The following NKAIN3 variants were observed in gnomAD, a reference collection of about 807,000 sequenced individuals.
The protein encoded by NKAIN3 is sodium/potassium transporting ATPase interacting 3, also known as sodium/potassium-transporting ATPase subunit beta-1-interacting protein 3.
In NKAIN3, 25 loss-of-function variants were observed where a neutral mutation model predicts 30.2. That is an observed-to-expected ratio of 0.83 (90% CI 0.60 to 1.16). NKAIN3 has a LOEUF of 1.16. Among genes scored for constraint, NKAIN3 ranks in the 50% most tolerant of loss-of-function variants. The probability of loss-of-function intolerance (pLI) is 0.00; values close to 1 mark genes in which losing one functional copy is unlikely to be tolerated. For synonymous variants in NKAIN3, 91 were observed against 89.6 expected (o/e 1.02, Z -0.09); for missense variants, 225 against 254.1 (o/e 0.89, Z 0.78).
At chr8:62,874,460 A>G (rs974911077) in intron 4 of NKAIN3, among the ~76,000 whole-genome samples, 13 of 152,264 alleles carry the variant, frequency 8.5e-5, no homozygotes, top group Admixed American at 6.5e-5. Context: ...TCCCTAAATC[A>G]TTTTATGAAG....
intron 3 of NKAIN3, among the ~76,000 whole-genome samples, chr8:62,595,862 C>T (rs1253381062): frequency 2.6e-5 from 4 of 151,870 alleles, no homozygotes; most frequent in Non-Finnish European, 1.5e-5. Flanking sequence ...TCTATGGTAG[C>T]TCTTAGTCAT....
At chr8:62,842,006 G>T (rs1033988655) in intron 4 of NKAIN3, among the ~76,000 whole-genome samples, 2 of 151,948 alleles carry the variant, frequency 1.3e-5, no homozygotes, top group Admixed American at 1.3e-4. Context: ...CATTCTATTG[G>T]GTATAAATAG....
intron 1 of NKAIN3, among the ~76,000 whole-genome samples, chr8:62,568,493 C>T (rs10109354): frequency 0.087 from 13,308 of 152,164 alleles, 605 homozygotes; most frequent in East Asian, 0.16. Flanking sequence ...AGTTGATATT[C>T]TGAGTCAGTG....
At chr8:62,871,418 A>AAAAAC (rs71255368) in intron 4 of NKAIN3, among the ~76,000 whole-genome samples, 4 of 142,430 alleles carry the variant, frequency 2.8e-5, no homozygotes, top group African/African-American at 5.2e-5. Flanking sequence ...AAAAAAAAAA[A>AAAAAC]CAAAAACAAA....
chr8:62,791,331 G>T (rs997820814), intron 4 of NKAIN3, among the ~76,000 whole-genome samples: 11 of 152,134 alleles, frequency 7.2e-5, no homozygotes, highest in Non-Finnish European at 1.2e-4. Flanking sequence ...AGCCAATGAT[G>T]ACACCACATT....
At chr8:62,770,781 G>T (rs941363486) in intron 4 of NKAIN3, among the ~76,000 whole-genome samples, 1 of 147,902 alleles carries the variant, frequency 6.8e-6, no homozygotes, top group Non-Finnish European at 1.5e-5. Context: ...AATAAAAGCA[G>T]AATTAAAAAA....
intron 1 of NKAIN3, among the ~76,000 whole-genome samples, chr8:62,573,375 G>A (rs1810007427): frequency 6.6e-6 from 1 of 152,122 alleles, no homozygotes; most frequent in South Asian, 2.1e-4. Flanking sequence ...TTCCTGTGCT[G>A]TGCCACTCAG....
intron 1 of NKAIN3, among the ~76,000 whole-genome samples, chr8:62,423,963 G>C (rs1554529521): frequency 6.6e-6 from 1 of 151,950 alleles, no homozygotes; most frequent in Non-Finnish European, 1.5e-5. Flanking sequence ...GCTGTTTGTG[G>C]TCTGTTTTTT....
At chr8:62,812,233 A>G (rs950380103) in intron 4 of NKAIN3, among the ~76,000 whole-genome samples, 1 of 151,944 alleles carries the variant, frequency 6.6e-6, no homozygotes, top group Admixed American at 6.6e-5. Context: ...TCTCATAACT[A>G]CAACTATACA....
At chr8:62,596,208 A>G (rs1010852689) in intron 3 of NKAIN3, among the ~76,000 whole-genome samples, 1 of 151,946 alleles carries the variant, frequency 6.6e-6, no homozygotes, top group East Asian at 1.9e-4. Flanking sequence ...AGGGGAGGAA[A>G]CTATGTCTTC....
intron 3 of NKAIN3, among the ~76,000 whole-genome samples, chr8:62,679,090 G>T (rs1317145197): frequency 6.6e-6 from 1 of 152,158 alleles, no homozygotes; most frequent in Non-Finnish European, 1.5e-5. Flanking sequence ...AAGCCATGCT[G>T]TTCAACCCAG....
intron 5 of NKAIN3, among the ~76,000 whole-genome samples, chr8:62,939,678 T>C (rs1822893122): frequency 6.6e-6 from 1 of 152,036 alleles, no homozygotes; most frequent in Admixed American, 6.6e-5. Context: ...AAAAAAAAGA[T>C]ATAGTCTTTT....
Position 62,796,419 on chromosome 8 carries a change from A to G in NKAIN3, c.471+49290A>G, listed in dbSNP as rs540601684. Among the ~76,000 whole-genome samples, 19 of 145,104 alleles carry G rather than the reference A, an allele frequency of 1.3e-4. No homozygotes were observed. In the Admixed American group the frequency reaches 1.3e-3, roughly 10 times the overall value. On this transcript the variant is annotated intron_variant, in intron 4 of 6. Transcript: ENST00000623646. ...AAAAAAAAAAAAAAAAAAAGTCAGC[A>G]ATGAATGCTAGATACTGCATCCAGT...
At chr8:62,580,865 A>G (rs1810264776) in intron 2 of NKAIN3, among the ~76,000 whole-genome samples, 1 of 150,964 alleles carries the variant, frequency 6.6e-6, no homozygotes, top group Admixed American at 6.6e-5. Flanking sequence ...CTGAGGCAGG[A>G]GGATTGCTTG....
intron 4 of NKAIN3, among the ~76,000 whole-genome samples, chr8:62,771,654 G>T (rs1817015196): frequency 6.6e-6 from 1 of 151,702 alleles, no homozygotes; most frequent in Non-Finnish European, 1.5e-5. Context: ...TAAAAAAAAA[G>T]ATCTATAGAT....
intron 3 of NKAIN3, among the ~76,000 whole-genome samples, chr8:62,701,886 G>A (rs1231765173): frequency 1.3e-5 from 2 of 152,120 alleles, no homozygotes; most frequent in Non-Finnish European, 2.9e-5. Flanking sequence ...AACTCCGGGG[G>A]CTGAAGTCCA....
At chr8:62,289,342 C>T (rs1036218726) in intron 1 of NKAIN3, among the ~76,000 whole-genome samples, 1 of 152,088 alleles carries the variant, frequency 6.6e-6, no homozygotes, top group Non-Finnish European at 1.5e-5. Flanking sequence ...AATGGTATTG[C>T]CTAGGTTTTC....
At chr8:62,655,235 C>T (rs1183724952) in intron 3 of NKAIN3, among the ~76,000 whole-genome samples, 1 of 152,132 alleles carries the variant, frequency 6.6e-6, no homozygotes, top group Admixed American at 6.6e-5. Flanking sequence ...CAGAATGAGT[C>T]CACCTCTGCC....
chr8:62,804,133 C>T (rs1818182699), intron 4 of NKAIN3, among the ~76,000 whole-genome samples: 1 of 152,126 alleles, frequency 6.6e-6, no homozygotes, highest in South Asian at 2.1e-4. Context: ...AGCTTACCAA[C>T]CAAAAAGAGT....
Sources: allele counts gnomAD v4.1 joint callset (sites outside exome capture counted in the v4.1 genomes callset), GRCh38; gene constraint gnomAD v4.1.1; transcripts MANE v1.5; gene names NCBI Gene and HGNC (gene_info 2026-07-23, HGNC 2026-07-21).